ADAM19: variants seen among roughly 807,000 people sequenced by gnomAD.
ADAM19 encodes the protein ADAM metallopeptidase domain 19.
ADAM19 carries 65 observed loss-of-function variants against 114.7 expected under a neutral mutation model. The observed-to-expected ratio is 0.57, with a 90% CI of 0.46 to 0.70. ADAM19 has a LOEUF of 0.70. Ranked by LOEUF, ADAM19 falls within the 30% of genes least tolerant of loss-of-function variation. The pLI is 0.00. For missense variants in ADAM19, 1,063 were observed against 1,204.7 expected, an observed-to-expected ratio of 0.88 and a Z score of 1.74; for synonymous variants, 466 against 460.5, an observed-to-expected ratio of 1.01 and a Z score of -0.15.
chr5:157,481,637 C>A, intron 22 of ADAM19, 154 bp downstream of exon 22: 1 of 1,550,956 alleles, frequency 6.4e-7, no homozygotes, highest in Non-Finnish European at 8.7e-7. Flanking sequence ...CAAGCGGGCA[C>A]CAAGAAACAT....
intron 5 of ADAM19, among the ~76,000 whole-genome samples, chr5:157,524,150 C>T (rs779134967): frequency 4.6e-5 from 7 of 152,208 alleles, no homozygotes; most frequent in South Asian, 2.1e-4. Flanking sequence ...GGGCTGTCCC[C>T]GCCCTCAACC....
At chr5:157,487,807 A>T (rs1754994106) in intron 21 of ADAM19, among the ~76,000 whole-genome samples, 1 of 152,224 alleles carries the variant, frequency 6.6e-6, no homozygotes, top group Non-Finnish European at 1.5e-5. Flanking sequence ...TACTATGATG[A>T]GAGAAGTACA....
rs551147108 is a variant in ADAM19 at position 157,480,540 on chromosome 5, T to C, written c.*409A>G. ...GGACCTCTGAGGAGAGCAGAAGCAA[T>C]GGGAAGCTCTCTTGCGTGCCCTGCA... On this transcript the variant is annotated 3_prime_UTR_variant, in exon 23 of 23. Transcript: ENST00000257527. 2 of 1,017,948 alleles carry C rather than the reference T, an allele frequency of 2.0e-6. No homozygotes were observed. Among genetic ancestry groups the C allele is most frequent in the African/African-American group, 1.7e-5 (1 of 58,138 alleles). The allele number at this position is 1,017,948 out of a possible 1,614,324, so 63.1% of individuals were successfully genotyped here.
chr5:157,508,763 T>C (rs1344190126), intron 9 of ADAM19, among the ~76,000 whole-genome samples: 1 of 152,196 alleles, frequency 6.6e-6, no homozygotes, highest in Non-Finnish European at 1.5e-5. Context: ...CCCAGGCTGA[T>C]GAAAATCTAG....
At chr5:157,566,117 A>AC (rs1389275934) in intron 2 of ADAM19, 1 of 151,496 alleles carries the variant, frequency 6.6e-6, no homozygotes, top group East Asian at 1.9e-4. Context: ...TCAAAAAAAA[A>AC]AAAAAAAAGT....
chr5:157,519,062 A>G (rs1756188350), intron 6 of ADAM19, among the ~76,000 whole-genome samples, 174 bp from the exon 7 acceptor site: 1 of 152,124 alleles, frequency 6.6e-6, no homozygotes, highest in South Asian at 2.1e-4. Flanking sequence ...AACACCTTCC[A>G]CTGCCATTTG....
chr5:157,561,761 C>T (rs1044146180), intron 3 of ADAM19, among the ~76,000 whole-genome samples: 2 of 152,130 alleles, frequency 1.3e-5, no homozygotes, highest in Non-Finnish European at 2.9e-5. Context: ...TCCCTATGCT[C>T]CTCTGTCTCC....
intron 8 of ADAM19, among the ~76,000 whole-genome samples, chr5:157,512,951 T>C (rs1032050098): frequency 6.6e-6 from 1 of 152,158 alleles, no homozygotes; most frequent in African/African-American, 2.4e-5. Flanking sequence ...GAAGGAACCT[T>C]AAAGAACCTT....
At chr5:157,498,047 G>T (rs1755424522) in intron 13 of ADAM19, among the ~76,000 whole-genome samples, 1 of 152,216 alleles carries the variant, frequency 6.6e-6, no homozygotes, top group African/African-American at 2.4e-5. Context: ...ACCCAGCACA[G>T]CCTCCCAGGG....
intron 3 of ADAM19, among the ~76,000 whole-genome samples, chr5:157,543,273 T>G (rs1332945483): frequency 6.6e-6 from 1 of 152,240 alleles, no homozygotes; most frequent in Admixed American, 6.5e-5. Context: ...TGTTTTCACG[T>G]GAGCCACATA....
chr5:157,489,357 C>T (rs1225237148), intron 19 of ADAM19, among the ~76,000 whole-genome samples, 171 bp from the exon 20 acceptor site: 2 of 152,148 alleles, frequency 1.3e-5, no homozygotes, highest in Admixed American at 6.5e-5. Context: ...AGTAGAAAAA[C>T]GTGTGGCCAA....
intron 13 of ADAM19, 71 bp from the exon 14 acceptor site, chr5:157,497,160 A>G (rs1276187543): frequency 7.5e-7 from 1 of 1,331,648 alleles, no homozygotes. Context: ...CCAAGGGCTC[A>G]TAAGGATCAC....
chr5:157,528,162 A>AC (rs1756524857), intron 5 of ADAM19, among the ~76,000 whole-genome samples: 1 of 152,194 alleles, frequency 6.6e-6, no homozygotes, highest in African/African-American at 2.4e-5. Context: ...TTCAAATGGA[A>AC]CCATCTGGCA....
intron 8 of ADAM19, 24 bp from the exon 9 acceptor site, chr5:157,509,491 A>C: frequency 6.5e-7 from 1 of 1,542,396 alleles, no homozygotes; most frequent in Non-Finnish European, 8.8e-7. Flanking sequence ...GAAAAACCAC[A>C]GTATCTGTCA....
chr5:157,482,043 T>C (rs1297031955), intron 21 of ADAM19, 100 bp from the exon 22 acceptor site: 1 of 967,316 alleles, frequency 1.0e-6, no homozygotes, highest in Non-Finnish European at 1.5e-6. Flanking sequence ...ATAAAAGTTA[T>C]ATACTGTATG....
At chr5:157,552,287 A>G (rs901528131) in intron 3 of ADAM19, among the ~76,000 whole-genome samples, 1 of 152,182 alleles carries the variant, frequency 6.6e-6, no homozygotes, top group African/African-American at 2.4e-5. Flanking sequence ...GGGAACATAA[A>G]TTAGTACAAC....
chr5:157,482,435 T>C (rs568461828), intron 21 of ADAM19, among the ~76,000 whole-genome samples: 5 of 152,376 alleles, frequency 3.3e-5, no homozygotes, highest in African/African-American at 1.2e-4. Flanking sequence ...ATTTTGGCTT[T>C]TGTTGCCATT....
At chr5:157,538,343 G>C (rs1457698876) in intron 3 of ADAM19, among the ~76,000 whole-genome samples, 1 of 152,188 alleles carries the variant, frequency 6.6e-6, no homozygotes, top group African/African-American at 2.4e-5. Context: ...TGTGTACCGT[G>C]GTTGATTTTT....
intron 5 of ADAM19, among the ~76,000 whole-genome samples, chr5:157,526,401 A>G (rs1260925313): frequency 1.3e-5 from 2 of 152,202 alleles, no homozygotes; most frequent in East Asian, 1.9e-4. Flanking sequence ...TTAACAAAAA[A>G]AAATTTTTAA....
Sources: gnomAD v4.1 joint callset for allele counts (sites outside exome capture counted in the v4.1 genomes callset) on GRCh38, gnomAD v4.1.1 for gene constraint, MANE v1.5 for transcripts, NCBI Gene and HGNC (gene_info 2026-07-23, HGNC 2026-07-21) for gene names.